MCUB: variants seen among roughly 807,000 people sequenced by gnomAD.
MCUB encodes mitochondrial calcium uniporter dominant negative subunit beta.
In MCUB, 46 loss-of-function variants were observed where a neutral mutation model predicts 41.4. That is an observed-to-expected ratio of 1.11 (90% CI 0.88 to 1.42). The LOEUF (loss-of-function observed/expected upper bound fraction) is 1.42, where lower values mean the gene tolerates loss of function less well. MCUB is among the 40% of genes most tolerant of loss of function. The pLI is 0.00. For synonymous variants in MCUB, 148 were observed against 148.2 expected (o/e 1.00, Z 0.01); for missense variants, 403 against 404.9 (o/e 1.00, Z 0.04).
At chr4:109,662,149 A>G (rs1376814345) in intron 3 of MCUB, among the ~76,000 whole-genome samples, 1 of 152,228 alleles carries the variant, frequency 6.6e-6, no homozygotes, top group Non-Finnish European at 1.5e-5. Context: ...TTAGGACTAT[A>G]GATTTAGCTG....
chr4:109,654,067 GA>G (rs1258571594), intron 1 of MCUB, among the ~76,000 whole-genome samples: 5 of 151,836 alleles, frequency 3.3e-5, no homozygotes, highest in Admixed American at 2.0e-4. Context: ...ATCAGTTTTG[GA>G]AGACTCTTAT....
intron 1 of MCUB, among the ~76,000 whole-genome samples, chr4:109,634,956 C>T (rs891834333): frequency 6.6e-6 from 1 of 152,192 alleles, no homozygotes; most frequent in Admixed American, 6.5e-5. Flanking sequence ...CCCCTAGCCC[C>T]CCAACCCCCT....
rs202006941 is a variant in MCUB, at chr4:109,575,912, TATC to T, written c.99+15477_99+15479del. 9.0e-3 allele frequency among the ~76,000 whole-genome samples: 1,371 copies of T among 152,322 alleles called. 24 individuals are homozygous for T. Among genetic ancestry groups the T allele is most frequent in the African/African-American group, 0.032 (1,326 of 41,564 alleles). On this transcript the variant is annotated intron_variant, in intron 1 of 7. Transcript: ENST00000394650. ...GCTTTCCTGGGAACCTTTTCACTCT[TATC>T]TACCTGGTTTAGTCGAATTGGCCAT...
At chr4:109,595,569 T>TA (rs1310330663) in intron 1 of MCUB, among the ~76,000 whole-genome samples, 1 of 152,252 alleles carries the variant, frequency 6.6e-6, no homozygotes, top group African/African-American at 2.4e-5. Context: ...TTAAATTAAA[T>TA]AAAATAAAAA....
At position 109,571,087 on chromosome 4, in the gene MCUB, A is replaced by G. The variant is rs1174141356; in HGVS notation, c.99+10651A>G. On this transcript the variant is annotated intron_variant, in intron 1 of 7. Coordinates refer to ENST00000394650, the MANE Select transcript of MCUB (RefSeq NM_017918.5). ...GGCTTGGCTAAGGAACATTCAAGGC[A>G]GTGCATTGGCACAGGTGTTTATTCC... Among the ~76,000 whole-genome samples the G allele has an allele frequency of 2.0e-5, 3 of 152,228 alleles. No homozygotes were observed. In the East Asian group the frequency reaches 5.8e-4, roughly 29 times the overall value.
chr4:109,633,950 A>G (rs1242407686), intron 1 of MCUB, among the ~76,000 whole-genome samples: 2 of 116,262 alleles, frequency 1.7e-5, no homozygotes, highest in African/African-American at 6.8e-5. Flanking sequence ...CACTTTATTT[A>G]TTCTTTTTAT....
intron 1 of MCUB, among the ~76,000 whole-genome samples, chr4:109,582,286 C>G (rs1727197330): frequency 1.4e-5 from 2 of 147,830 alleles, no homozygotes; most frequent in Non-Finnish European, 3.0e-5. Context: ...GACAAAAAAC[C>G]AAACACCGCA....
At position 109,662,374 on chromosome 4, in the gene MCUB, T is replaced by G. The variant is rs145475839; in HGVS notation, c.347-1916T>G. On this transcript the variant is annotated intron_variant, in intron 3 of 7. Coordinates refer to ENST00000394650, the MANE Select transcript of MCUB (RefSeq NM_017918.5). ...CCCAAACCTGGAAGTCAGAAGGGCCTGCACTGAGCAGCACTTGCCTGGTGG... is the reference window on the plus strand; with the variant it reads ...CCCAAACCTGGAAGTCAGAAGGGCCGGCACTGAGCAGCACTTGCCTGGTGG... Among the ~76,000 whole-genome samples the G allele has an allele frequency of 1.9e-3, 296 of 152,330 alleles. 1 individual carries two copies. Among genetic ancestry groups the G allele is most frequent in the African/African-American group, 6.3e-3 (262 of 41,574 alleles).
At chr4:109,619,912 G>A (rs969344729) in intron 1 of MCUB, among the ~76,000 whole-genome samples, 2 of 152,134 alleles carry the variant, frequency 1.3e-5, no homozygotes, top group Non-Finnish European at 2.9e-5. Context: ...CCATTGTATA[G>A]ATAAGGACAC....
intron 1 of MCUB, among the ~76,000 whole-genome samples, chr4:109,651,441 G>A (rs190167377): frequency 6.6e-6 from 1 of 152,248 alleles, no homozygotes; most frequent in Admixed American, 6.5e-5. Context: ...CATAGTATCT[G>A]GTGCCAAGAG....
chr4:109,560,624 G>A (rs1271882251), intron 1 of MCUB, among the ~76,000 whole-genome samples, 188 bp downstream of exon 1: 2 of 152,214 alleles, frequency 1.3e-5, no homozygotes, highest in African/African-American at 4.8e-5. Flanking sequence ...CGGAGGCCTG[G>A]GCTGAGGTCA....
intron 1 of MCUB, among the ~76,000 whole-genome samples, chr4:109,638,731 C>G (rs1728650935): frequency 1.3e-5 from 2 of 152,210 alleles, no homozygotes. Flanking sequence ...TCCCTCCAAA[C>G]TCTGCCACTG....
chr4:109,624,428 A>G (rs1728319824), intron 1 of MCUB, among the ~76,000 whole-genome samples: 1 of 152,256 alleles, frequency 6.6e-6, no homozygotes, highest in Admixed American at 6.5e-5. Flanking sequence ...AAGAAGTCAC[A>G]CAGCAATGCA....
At chr4:109,685,525 A>C (rs1729820802) in intron 7 of MCUB, among the ~76,000 whole-genome samples, 158 bp downstream of exon 7, 1 of 152,232 alleles carries the variant, frequency 6.6e-6, no homozygotes, top group Admixed American at 6.5e-5. Flanking sequence ...ATTTCATATT[A>C]ATTTCATATC....
intron 1 of MCUB, among the ~76,000 whole-genome samples, chr4:109,564,242 C>G (rs1016690351): frequency 2.6e-5 from 4 of 152,124 alleles, no homozygotes; most frequent in African/African-American, 9.7e-5. Flanking sequence ...AAACGATTCC[C>G]CTGCCTCAGC....
intron 1 of MCUB, among the ~76,000 whole-genome samples, chr4:109,657,218 C>CAAAA (rs56707630): frequency 1.8e-5 from 2 of 111,384 alleles, no homozygotes; most frequent in African/African-American, 3.4e-5. Flanking sequence ...TATTCCATCT[C>CAAAA]AAAAAAAAAA....
Position 109,674,502 on chromosome 4 carries a change from T to C in MCUB, c.452-8080T>C, listed in dbSNP as rs192095385. On this transcript the variant is annotated intron_variant, in intron 4 of 7. Transcript: ENST00000394650. The stretch of plus-strand genomic sequence containing the variant: ...TTTGGATGTTGTATAAGAGTCCTAT[T>C]TGCCCCAGTTAATTCAACTTTTGTC... Among the ~76,000 whole-genome samples the C allele has an allele frequency of 3.2e-3, 490 of 152,356 alleles. 8 individuals carry two copies. The highest frequency in any genetic ancestry group is 8.3e-4 in the South Asian group (4 of 4,826).
chr4:109,659,927 G>A (rs534238796), intron 2 of MCUB, among the ~76,000 whole-genome samples: 5 of 152,290 alleles, frequency 3.3e-5, no homozygotes, highest in African/African-American at 1.2e-4. Context: ...CAAAGTGCTG[G>A]GATTACAGGC....
chr4:109,677,831 G>A (rs989606853), intron 4 of MCUB, among the ~76,000 whole-genome samples: 2 of 56,060 alleles, frequency 3.6e-5, no homozygotes, highest in African/African-American at 1.5e-4. Context: ...TTTTTTTTTA[G>A]TTTTTATTGA....
Sources: allele counts gnomAD v4.1 joint callset (sites outside exome capture counted in the v4.1 genomes callset), GRCh38; gene constraint gnomAD v4.1.1; transcripts MANE v1.5; gene names NCBI Gene and HGNC (gene_info 2026-07-23, HGNC 2026-07-21).